The following CLNK variants were observed in gnomAD, a reference collection of about 807,000 sequenced individuals.
CLNK encodes the protein cytokine dependent hematopoietic cell linker.
Under a neutral mutation model 68.6 loss-of-function variants are expected in CLNK, and 74 were observed. That is an observed-to-expected ratio of 1.08 (90% CI 0.89 to 1.31). The LOEUF (loss-of-function observed/expected upper bound fraction) is 1.31, where lower values mean the gene tolerates loss of function less well. Among genes scored for constraint, CLNK ranks in the 50% most tolerant of loss-of-function variants. CLNK has a pLI of 0.00. For missense variants in CLNK, 553 were observed against 515.3 expected (o/e 1.07, Z -0.71); for synonymous variants, 198 against 172.2 (o/e 1.15, Z -1.17).
chr4:10,617,480 C>T (rs576575679), intron 2 of CLNK, among the ~76,000 whole-genome samples: 20 of 152,306 alleles, frequency 1.3e-4, no homozygotes, highest in Admixed American at 3.3e-4. Context: ...GATTTCTCAC[C>T]AGTGGGACTA....
the CLNK span, among the ~76,000 whole-genome samples, chr4:10,699,512 A>ATATATATATTTTTT: frequency 4.1e-3 from 135 of 32,540 alleles, no homozygotes; most frequent in African/African-American, 6.4e-3. Flanking sequence ...ATATATATAT[A>ATATATATATTTTTT]TTTTTTTTTT....
intron 16 of CLNK, among the ~76,000 whole-genome samples, chr4:10,508,372 G>T (rs921553085): frequency 1.3e-5 from 2 of 152,106 alleles, no homozygotes; most frequent in Non-Finnish European, 2.9e-5. Flanking sequence ...AGGTGGAAAT[G>T]TATACTGTTT....
In CLNK at chr4:10,570,297, A is replaced by G. The variant is rs190662084; in HGVS notation, c.150+1444T>C. Among the ~76,000 whole-genome samples, 163 of 152,284 alleles carry G rather than the reference A, an allele frequency of 1.1e-3. 2 individuals are homozygous for G. The highest frequency in any genetic ancestry group is 3.8e-3 in the African/African-American group (156 of 41,570). On this transcript the variant is annotated intron_variant, in intron 5 of 18. Coordinates refer to ENST00000226951, the MANE Select transcript of CLNK (RefSeq NM_052964.4). ...CTTTGCTAGACTTGGTAGAGTCAGG[A>G]CATGATAAGAAGGCTGGGAAGAACA...
chr4:10,719,195 G>A, the CLNK span, among the ~76,000 whole-genome samples: 2 of 151,914 alleles, frequency 1.3e-5, no homozygotes, highest in South Asian at 2.1e-4. Context: ...AAGCCCTAAC[G>A]TATCAGTAGT....
At chr4:10,673,712 T>C (rs1724757130) in intron 1 of CLNK, among the ~76,000 whole-genome samples, 1 of 150,954 alleles carries the variant, frequency 6.6e-6, no homozygotes, top group African/African-American at 2.5e-5. Context: ...GAGAAATAAC[T>C]AATGTTAATA....
the CLNK span, among the ~76,000 whole-genome samples, chr4:10,717,983 CTT>C: frequency 6.6e-6 from 1 of 151,954 alleles, no homozygotes; most frequent in Non-Finnish European, 1.5e-5. Context: ...AAATAAGAGT[CTT>C]AGCAAAAACA....
intron 7 of CLNK, among the ~76,000 whole-genome samples, chr4:10,562,101 C>CTTTT (rs11345903): frequency 1.1e-4 from 14 of 129,286 alleles, no homozygotes; most frequent in East Asian, 2.3e-4. Context: ...TTTTTCTTTT[C>CTTTT]TTTTTTTTTT....
chr4:10,542,682 GTATATA>G (rs1195351938), intron 8 of CLNK, among the ~76,000 whole-genome samples: 4 of 137,798 alleles, frequency 2.9e-5, no homozygotes, highest in Non-Finnish European at 6.2e-5. Context: ...GTGTGTGTGT[GTATATA>G]TATATATATA....
In CLNK at chr4:10,490,042, T is replaced by G; in HGVS notation, c.*425A>C. ...AACAACTGACATAAAGGCAGCGCAGTGTCCTGTAAAGAGCACAGATTTGGG... is the reference window on the plus strand; with the variant it reads ...AACAACTGACATAAAGGCAGCGCAGGGTCCTGTAAAGAGCACAGATTTGGG... On this transcript the variant is annotated 3_prime_UTR_variant, in exon 19 of 19. Transcript: ENST00000226951. 6.2e-6 allele frequency: 1 copy of G among 161,120 alleles called. No homozygotes were observed. Among genetic ancestry groups the G allele is most frequent in the Non-Finnish European group, 1.4e-5 (1 of 74,066 alleles). 10.0% of individuals were successfully genotyped at this position (161,120 alleles called of 1,614,324 possible). A position where few individuals can be genotyped will look rare whatever the true frequency, so the allele number is the denominator to read the frequency against.
At chr4:10,702,889 C>T in the CLNK span, among the ~76,000 whole-genome samples, 1 of 152,140 alleles carries the variant, frequency 6.6e-6, no homozygotes, top group South Asian at 2.1e-4. Flanking sequence ...TTATGCTGGT[C>T]TTGGGTAGAA....
Position 10,520,781 on chromosome 4 carries a change from G to A in CLNK, c.772+10C>T. On this transcript the variant is annotated intron_variant, in intron 15 of 18. Transcript: ENST00000226951. ...ACCTGTTTATTTTATAATTCTGAAA[G>A]TGCTCTTACCTCTGTTTTGCACACT... 3 of 1,597,198 alleles carry A rather than the reference G, an allele frequency of 1.9e-6. No homozygotes were observed. The highest frequency in any genetic ancestry group is 2.6e-6 in the Non-Finnish European group (3 of 1,167,566).
chr4:10,549,315 T>C (rs773033730), intron 8 of CLNK, among the ~76,000 whole-genome samples: 2 of 152,248 alleles, frequency 1.3e-5, no homozygotes, highest in Non-Finnish European at 2.9e-5. Flanking sequence ...GTAACTTGTC[T>C]ACCATTATAC....
At chr4:10,645,982 C>T (rs1305939615) in intron 2 of CLNK, among the ~76,000 whole-genome samples, 3 of 152,072 alleles carry the variant, frequency 2.0e-5, no homozygotes, top group Non-Finnish European at 2.9e-5. Context: ...GCTACAAAAA[C>T]ATATGAACAG....
At chr4:10,493,778 T>C (rs1381857351) in intron 18 of CLNK, among the ~76,000 whole-genome samples, 1 of 152,212 alleles carries the variant, frequency 6.6e-6, no homozygotes, top group Admixed American at 6.5e-5. Context: ...CTGTGGAGCC[T>C]AAATGCCTGA....
At chr4:10,644,111 G>T (rs551260300) in intron 2 of CLNK, among the ~76,000 whole-genome samples, 1 of 152,360 alleles carries the variant, frequency 6.6e-6, no homozygotes, top group South Asian at 2.1e-4. Flanking sequence ...ATACTGAGGG[G>T]CGGAGCCTCG....
chr4:10,585,664 T>A (rs372699388), intron 3 of CLNK, among the ~76,000 whole-genome samples: 2 of 152,138 alleles, frequency 1.3e-5, no homozygotes, highest in East Asian at 1.9e-4. Context: ...AGTATAAATA[T>A]AAAAGAGCCC....
chr4:10,508,658 G>A (rs765096789), intron 16 of CLNK, among the ~76,000 whole-genome samples: 1 of 152,140 alleles, frequency 6.6e-6, no homozygotes, highest in Non-Finnish European at 1.5e-5. Context: ...ACAGGGTTCC[G>A]AGAATCATAA....
chr4:10,610,447 G>T (rs994055796), intron 2 of CLNK, among the ~76,000 whole-genome samples: 2 of 151,346 alleles, frequency 1.3e-5, no homozygotes, highest in Admixed American at 6.6e-5. Context: ...AATCTTTGAT[G>T]CCCAGGTTTC....
At chr4:10,677,752 A>G (rs1023154502) in intron 1 of CLNK, among the ~76,000 whole-genome samples, 1 of 152,038 alleles carries the variant, frequency 6.6e-6, no homozygotes. Context: ...TGGAACTGTG[A>G]GTCAATTAAA....
Sources: gnomAD v4.1 joint callset for allele counts (sites outside exome capture counted in the v4.1 genomes callset) on GRCh38, gnomAD v4.1.1 for gene constraint, MANE v1.5 for transcripts, NCBI Gene and HGNC (gene_info 2026-07-23, HGNC 2026-07-21) for gene names.